The following ADH5 variants were observed in gnomAD, a reference collection of about 807,000 sequenced individuals.
ADH5 encodes alcohol dehydrogenase 5 (class III), chi polypeptide, also known as alcohol dehydrogenase class-3.
Under a neutral mutation model 40.3 loss-of-function variants are expected in ADH5, and 32 were observed. That is an observed-to-expected ratio of 0.79 (90% CI 0.60 to 1.07). The LOEUF (loss-of-function observed/expected upper bound fraction) is 1.07, where lower values mean the gene tolerates loss of function less well. Ranked by LOEUF, ADH5 falls within the 50% of genes least tolerant of loss-of-function variation. The probability of loss-of-function intolerance (pLI) is 0.00; values close to 1 mark genes in which losing one functional copy is unlikely to be tolerated. For missense variants in ADH5, 353 were observed against 460.5 expected (o/e 0.77, Z 2.14); for synonymous variants, 125 against 154.3 (o/e 0.81, Z 1.41).
intron 1 of ADH5, 114 bp downstream of exon 1, chr4:99,088,575 G>A (rs904838999): frequency 2.5e-5 from 29 of 1,150,110 alleles, no homozygotes; most frequent in Non-Finnish European, 2.4e-5. Context: ...TCAGAACCAA[G>A]AGCCAGATCC....
rs1727943287 is a variant in ADH5, at chr4:99,076,930, A to G, written c.345-7T>C. ...TCCTTTCCCTTGAGTGACTCTAAAG[A>G]AAAAAAAAGGAAAAAGGCAAGTTGG... On this transcript the variant is annotated splice_polypyrimidine_tract_variant and splice_region_variant and intron_variant, in intron 4 of 8. Coordinates refer to ENST00000296412, the MANE Select transcript of ADH5 (RefSeq NM_000671.4). 2.5e-6 allele frequency: 4 copies of G among 1,570,052 alleles called. No individual in the cohort carries two copies. Among genetic ancestry groups the G allele is most frequent in the African/African-American group, 1.4e-5 (1 of 73,102 alleles).
In ADH5 at chr4:99,076,918, G is replaced by A; in HGVS notation, c.350C>T (p.Thr117Ile). The A allele has an allele frequency of 6.2e-7, 1 of 1,610,476 alleles. No individual in the cohort carries two copies. Among genetic ancestry groups the A allele is most frequent in the Non-Finnish European group, 8.5e-7 (1 of 1,178,450 alleles). ...KTNLCQKIRV[T>I]QGKGLMPDGT... ...ATCTGGCATTAATCCTTTCCCTTGAGTGACTCTAAAGAAAAAAAAAGGAAA... is the reference window on the plus strand; with the variant it reads ...ATCTGGCATTAATCCTTTCCCTTGAATGACTCTAAAGAAAAAAAAAGGAAA... The change falls in exon 5 of 9, where the codon ACT becomes ATT. Residue 117 changes from threonine (T) to isoleucine (I), a missense_variant. Thr to Ile is a moderately conservative substitution (Grantham distance 89, BLOSUM62 -1). Transcript: ENST00000296412.
rs750430527 is a variant in ADH5 at position 99,082,126 on chromosome 4, C to T, written c.115-10G>A. 2 of 1,612,502 alleles carry T rather than the reference C, an allele frequency of 1.2e-6. No individual in the cohort carries two copies. Among genetic ancestry groups the T allele is most frequent in the Non-Finnish European group, 1.7e-6 (2 of 1,179,000 alleles). ...CCGCAGTGGCAATGATCTATCAGGA[C>T]ATTAAAACAACGAATGTGTAAGTAT... On this transcript the variant is annotated splice_polypyrimidine_tract_variant and intron_variant, in intron 2 of 8. Coordinates refer to ENST00000296412, the MANE Select transcript of ADH5 (RefSeq NM_000671.4).
At chr4:99,086,208 CAT>C (rs1338293566) in intron 1 of ADH5, among the ~76,000 whole-genome samples, 1 of 152,014 alleles carries the variant, frequency 6.6e-6, no homozygotes, top group Non-Finnish European at 1.5e-5. Flanking sequence ...TGTAATTTAA[CAT>C]AATTAAAATA....
At chr4:99,086,939 C>CAAAAAAAAAAAAA (rs58359709) in intron 1 of ADH5, among the ~76,000 whole-genome samples, 1 of 64,270 alleles carries the variant, frequency 1.6e-5, no homozygotes, top group Non-Finnish European at 2.6e-5. Context: ...GACTGCGTCT[C>CAAAAAAAAAAAAA]AAAAAAAAAA....
At chr4:99,076,164 C>A (rs1052607789) in intron 6 of ADH5, 128 bp downstream of exon 6, 6 of 884,364 alleles carry the variant, frequency 6.8e-6, no homozygotes, top group Admixed American at 2.8e-5. Context: ...GATATTTTCC[C>A]CTTCTTTCAC....
At chr4:99,081,631 A>G (rs1728025840) in intron 3 of ADH5, 179 bp from the exon 4 acceptor site, 5 of 584,582 alleles carry the variant, frequency 8.6e-6, no homozygotes, top group South Asian at 7.7e-5. Context: ...GTATGTTTCA[A>G]TATTTTTATC....
chr4:99,086,037 A>AAAATAAACAAAC (rs111455899), intron 1 of ADH5, among the ~76,000 whole-genome samples: 2 of 150,712 alleles, frequency 1.3e-5, no homozygotes, highest in East Asian at 3.9e-4. Flanking sequence ...ACATCGTCTC[A>AAAATAAACAAAC]AAACAAACAA....
At chr4:99,086,360 G>A (rs528698456) in intron 1 of ADH5, among the ~76,000 whole-genome samples, 8 of 152,254 alleles carry the variant, frequency 5.3e-5, no homozygotes, top group Middle Eastern at 3.4e-3. Context: ...TAATGAGAAA[G>A]GTTCTAATTA....
Position 99,081,448 on chromosome 4 carries a change from G to A in ADH5, c.261C>T (p.Asp87=). ...GTGGGATGTAAAGTGGGATGACAGT[G>A]TCACCTGGAAACAAATGCAAAGACA... The part of the protein sequence containing the change: ...GEGVTKLKAG[D]TVIPLYIPQC... Residue 87 remains aspartate (D), a synonymous_variant, in exon 4 of 9, where the codon GAC becomes GAT. Coordinates refer to ENST00000296412, the MANE Select transcript of ADH5 (RefSeq NM_000671.4). The A allele has an allele frequency of 1.9e-6, 3 of 1,605,538 alleles. No individual in the cohort carries two copies. The highest frequency in any genetic ancestry group is 2.6e-6 in the Non-Finnish European group (3 of 1,174,890).
intron 3 of ADH5, chr4:99,081,700 T>G (rs1414491986): frequency 1.8e-6 from 1 of 550,886 alleles, no homozygotes; most frequent in Non-Finnish European, 3.2e-6. Context: ...TTCAAAATCC[T>G]GCTTCATTGA....
intron 1 of ADH5, among the ~76,000 whole-genome samples, chr4:99,087,499 G>C (rs1050606780): frequency 1.3e-5 from 2 of 152,004 alleles, no homozygotes; most frequent in African/African-American, 2.4e-5. Context: ...ATAGTACAAA[G>C]AATCAGACAC....
rs1016394648 is a variant in ADH5, at chr4:99,071,084, T to C, written c.*1333A>G. ...TGCAACATATAAAACTGACAAATGA[T>C]TGATGTCTAGAATAAAAGAACTCCT... On this transcript the variant is annotated 3_prime_UTR_variant, in exon 9 of 9. Transcript: ENST00000296412. The C allele has an allele frequency of 1.3e-5, 2 of 152,276 alleles. No homozygotes were observed. Among genetic ancestry groups the C allele is most frequent in the South Asian group, 2.1e-4 (1 of 4,824 alleles). 9.4% of individuals were successfully genotyped at this position (152,276 alleles called of 1,614,324 possible). A position where few individuals can be genotyped will look rare whatever the true frequency, so the allele number is the denominator to read the frequency against.
At chr4:99,082,511 G>C (rs1728045644) in intron 2 of ADH5, among the ~76,000 whole-genome samples, 1 of 152,118 alleles carries the variant, frequency 6.6e-6, no homozygotes, top group African/African-American at 2.4e-5. Flanking sequence ...ATGACAGCTG[G>C]GAAATATGAT....
chr4:99,075,230 T>C (rs1727902387), intron 6 of ADH5, 181 bp from the exon 7 acceptor site: 1 of 430,634 alleles, frequency 2.3e-6, no homozygotes, highest in Non-Finnish European at 3.8e-6. Context: ...TTGTTGTTTT[T>C]TTTTTTTTTG....
chr4:99,081,331 T>G, intron 4 of ADH5, 34 bp downstream of exon 4: 1 of 1,349,418 alleles, frequency 7.4e-7, no homozygotes, highest in Non-Finnish European at 1.0e-6. Context: ...CCCGCAGCAC[T>G]TGTGTTTTAA....
intron 7 of ADH5, among the ~76,000 whole-genome samples, chr4:99,073,215 A>G (rs914773773): frequency 2.0e-5 from 3 of 152,220 alleles, no homozygotes; most frequent in Non-Finnish European, 2.9e-5. Flanking sequence ...GTCTCGCTCT[A>G]TCGCCTAGGC....
rs747080872 is a variant in ADH5 at position 99,072,383 on chromosome 4, C to T, written c.*34G>A. The T allele has an allele frequency of 2.5e-6, 4 of 1,608,596 alleles. No homozygotes were observed. The African/African-American group carries it at 5.4e-5, about 22-fold the overall frequency. On this transcript the variant is annotated 3_prime_UTR_variant, in exon 9 of 9. Coordinates refer to ENST00000296412, the MANE Select transcript of ADH5 (RefSeq NM_000671.4). ...GCCTGTTAAGCTGCTCCTATCACATCACGACAGGATGGACATTATTTTTCT... is the reference window on the plus strand; with the variant it reads ...GCCTGTTAAGCTGCTCCTATCACATTACGACAGGATGGACATTATTTTTCT...
At position 99,071,221 on chromosome 4, in the gene ADH5, A is replaced by G. The variant is rs1368838798; in HGVS notation, c.*1196T>C. 2 of 152,258 alleles carry G rather than the reference A, an allele frequency of 1.3e-5. No homozygotes were observed. The highest frequency in any genetic ancestry group is 2.9e-5 in the Non-Finnish European group (2 of 68,052). The allele number at this position is 152,258 out of a possible 1,614,324, so 9.4% of individuals were successfully genotyped here. A position where few individuals can be genotyped will look rare whatever the true frequency, so the allele number is the denominator to read the frequency against. On this transcript the variant is annotated 3_prime_UTR_variant, in exon 9 of 9. Transcript: ENST00000296412. ...AAGGATTTAACGAGAATTGAGGAAA[A>G]TGCAAACTAAAGTCATAATAAAACA... is the stretch of plus-strand genomic sequence containing the variant.
Sources: gnomAD v4.1 joint callset for allele counts (sites outside exome capture counted in the v4.1 genomes callset) on GRCh38, gnomAD v4.1.1 for gene constraint, MANE v1.5 for transcripts, NCBI Gene and HGNC (gene_info 2026-07-23, HGNC 2026-07-21) for gene names.